Variants in IQCH observed in about 807,000 individuals in gnomAD.
IQCH encodes the protein IQ motif containing H, also known as IQ domain-containing protein H.
IQCH carries 98 observed loss-of-function variants against 117.0 expected under a neutral mutation model. That is an observed-to-expected ratio of 0.84 (90% CI 0.71 to 0.99). The LOEUF (loss-of-function observed/expected upper bound fraction) is 0.99, where lower values mean the gene tolerates loss of function less well. Among genes scored for constraint, IQCH ranks in the 50% least tolerant of loss-of-function variants. The pLI is 0.00. For missense variants in IQCH, 1,102 were observed against 1,243.8 expected, an observed-to-expected ratio of 0.89 and a Z score of 1.72; for synonymous variants, 412 against 448.2, an observed-to-expected ratio of 0.92 and a Z score of 1.02.
intron 14 of IQCH, among the ~76,000 whole-genome samples, chr15:67,412,215 G>T (rs1200263323): frequency 6.6e-6 from 1 of 152,122 alleles, no homozygotes; most frequent in East Asian, 1.9e-4. Context: ...TCTAGCACTT[G>T]TTTATTATCA....
intron 5 of IQCH, among the ~76,000 whole-genome samples, chr15:67,343,768 A>C (rs1460047003): frequency 6.6e-6 from 1 of 152,226 alleles, no homozygotes; most frequent in East Asian, 1.9e-4. Flanking sequence ...TATCATAAGT[A>C]TAAAGAAGTT....
chr15:67,261,464 T>G, intron 2 of IQCH, 70 bp downstream of exon 2: 10 of 1,320,258 alleles, frequency 7.6e-6, no homozygotes, highest in Non-Finnish European at 1.0e-5. Flanking sequence ...GGAATTGCAG[T>G]TCTCATAGAG....
chr15:67,459,966 GA>G lies in IQCH; in HGVS notation c.2506-5160del, dbSNP rs1162544390. On this transcript the variant is annotated intron_variant, in intron 16 of 20. Transcript: ENST00000335894. The surrounding 1 kb of genome is among the most constrained non-coding windows in gnomAD (Gnocchi z 4.2). ...AGTTTGAGACCAGCCTGGGCAACAA[GA>G]TCTTGTCTCTACAAAAAAGGAAAGA... 1.3e-5 allele frequency: 2 copies of G among 151,558 alleles called. No individual in the cohort carries two copies. The highest frequency in any genetic ancestry group is 2.9e-5 in the Non-Finnish European group (2 of 67,982). The allele number at this position is 151,558 out of a possible 1,614,324, so 9.4% of individuals were successfully genotyped here.
intron 6 of IQCH, among the ~76,000 whole-genome samples, chr15:67,354,602 A>G (rs1211014341): frequency 8.7e-6 from 1 of 115,078 alleles, no homozygotes; most frequent in Non-Finnish European, 2.1e-5. Context: ...GTCCTAGCAC[A>G]TGCAATAAGA....
rs575767940 is a variant in IQCH at position 67,431,327 on chromosome 15, A to G, written c.2505+9750A>G. 2.0e-5 allele frequency among the ~76,000 whole-genome samples: 3 copies of G among 152,208 alleles called. No homozygotes were observed. Among genetic ancestry groups the G allele is most frequent in the Non-Finnish European group, 4.4e-5 (3 of 68,038 alleles). Reference sequence around the variant, plus strand: ...CTTTCAGAACAAGATCATGTCCTGCATTTGCAGGGACATGGATGTAGCTGG... The same window carrying G: ...CTTTCAGAACAAGATCATGTCCTGCGTTTGCAGGGACATGGATGTAGCTGG... On this transcript the variant is annotated intron_variant, in intron 16 of 20. Transcript: ENST00000335894. This position sits in a 1 kb window ranked among gnomAD's most constrained non-coding sequence, Gnocchi z 4.8.
chr15:67,348,396 A>G (rs549223320), intron 6 of IQCH, among the ~76,000 whole-genome samples: 65 of 151,822 alleles, frequency 4.3e-4, no homozygotes, highest in Non-Finnish European at 8.2e-4. Context: ...CACAAAAGCT[A>G]CTAGAACTAA....
In IQCH at chr15:67,413,581, T is replaced by C. The variant is rs1456284158; in HGVS notation, c.2098-3350T>C. On this transcript the variant is annotated intron_variant, in intron 14 of 20. Transcript: ENST00000335894. The surrounding 1 kb of genome is among the most constrained non-coding windows in gnomAD (Gnocchi z 5.0). ...ATAGGAAGACAATTTTCATTGGTGC[T>C]GAGGCCATTCTTAGTATAATCCTTG... 2 of 152,240 alleles carry C rather than the reference T, an allele frequency of 1.3e-5. No homozygotes were observed. The highest frequency in any genetic ancestry group is 2.4e-5 in the African/African-American group (1 of 41,456). The allele number at this position is 152,240 out of a possible 1,614,324, so 9.4% of individuals were successfully genotyped here. A position where few individuals can be genotyped will look rare whatever the true frequency, so the allele number is the denominator to read the frequency against.
chr15:67,385,113 T>A lies in IQCH; in HGVS notation c.1456+94T>A. ...GTTTTGTTTGTTTGTTTTTTGCTTA[T>A]TTTTTTCCTCTACAAGGAAAAAGCT... On this transcript the variant is annotated intron_variant, in intron 11 of 20. Coordinates refer to ENST00000335894, the MANE Select transcript of IQCH (RefSeq NM_001031715.3). This position sits in a 1 kb window ranked among gnomAD's most constrained non-coding sequence, Gnocchi z 4.6. The A allele has an allele frequency of 1.3e-6, 1 of 767,430 alleles. No individual in the cohort carries two copies. The highest frequency in any genetic ancestry group is 2.2e-6 in the Non-Finnish European group (1 of 463,790). 47.5% of individuals were successfully genotyped at this position (767,430 alleles called of 1,614,324 possible).
At chr15:67,350,651 C>T (rs1969617566) in intron 6 of IQCH, among the ~76,000 whole-genome samples, 1 of 152,160 alleles carries the variant, frequency 6.6e-6, no homozygotes, top group African/African-American at 2.4e-5. Flanking sequence ...TGGTCTCAAT[C>T]TCCTGACCTC....
intron 18 of IQCH, among the ~76,000 whole-genome samples, chr15:67,478,176 G>C (rs910440993): frequency 2.0e-5 from 3 of 151,990 alleles, no homozygotes; most frequent in Non-Finnish European, 4.4e-5. Flanking sequence ...CCTGAGGTCA[G>C]GAGTTCGAGT....
At chr15:67,339,878 A>G (rs772296656) in intron 5 of IQCH, among the ~76,000 whole-genome samples, 3 of 152,098 alleles carry the variant, frequency 2.0e-5, no homozygotes, top group African/African-American at 4.8e-5. Flanking sequence ...AAAATCCCCT[A>G]TTATTTGCTA....
In IQCH at chr15:67,395,689, T is replaced by TCCCTCAAATCAAC; in HGVS notation, c.1905+126_1905+127insCCCTCAAATCAAC. The TCCCTCAAATCAAC allele has an allele frequency of 1.9e-6, 1 of 521,320 alleles. No individual in the cohort carries two copies. Among genetic ancestry groups the TCCCTCAAATCAAC allele is most frequent in the Non-Finnish European group, 3.2e-6 (1 of 309,616 alleles). The allele number at this position is 521,320 out of a possible 1,614,324, so 32.3% of individuals were successfully genotyped here. ...GAATAGGTGGAATATTTGAGTTGAT[T>TCCCTCAAATCAAC]TGAGGGAATCTACTTTATTTATTTA... is the stretch of plus-strand genomic sequence containing the variant. On this transcript the variant is annotated intron_variant, in intron 13 of 20. Transcript: ENST00000335894. This position sits in a 1 kb window ranked among gnomAD's most constrained non-coding sequence, Gnocchi z 4.0.
In IQCH at chr15:67,406,047, G is replaced by A. The variant is rs1433421339; in HGVS notation, c.2097+5742G>A. 6.6e-6 allele frequency: 1 copy of A among 152,202 alleles called. No individual in the cohort carries two copies. Among genetic ancestry groups the A allele is most frequent in the Non-Finnish European group, 1.5e-5 (1 of 68,046 alleles). The allele number at this position is 152,202 out of a possible 1,614,324, so 9.4% of individuals were successfully genotyped here. Reference sequence around the variant, plus strand: ...GCCTCATATACCTGGTTATGTGCATGGGTGATGAGAGAGAATTTTAGACAT... The same window carrying A: ...GCCTCATATACCTGGTTATGTGCATAGGTGATGAGAGAGAATTTTAGACAT... On this transcript the variant is annotated intron_variant, in intron 14 of 20. Transcript: ENST00000335894. The surrounding 1 kb of genome is among the most constrained non-coding windows in gnomAD (Gnocchi z 4.5).
chr15:67,290,019 T>G (rs1966698976), intron 4 of IQCH, among the ~76,000 whole-genome samples: 1 of 152,122 alleles, frequency 6.6e-6, no homozygotes, highest in African/African-American at 2.4e-5. Context: ...TTAACAACTC[T>G]GACTTGTGAA....
In IQCH at chr15:67,326,920, A is replaced by G. The variant is rs918546828; in HGVS notation, c.388-10055A>G. On this transcript the variant is annotated intron_variant, in intron 4 of 20. Coordinates refer to ENST00000335894, the MANE Select transcript of IQCH (RefSeq NM_001031715.3). ...TACCTTGCAAGCATTGTTTTTGAACATCGTTGTCAAAATGTGAAGATTTAC... is the reference window on the plus strand; with the variant it reads ...TACCTTGCAAGCATTGTTTTTGAACGTCGTTGTCAAAATGTGAAGATTTAC... 5.3e-5 allele frequency among the ~76,000 whole-genome samples: 8 copies of G among 152,316 alleles called. No homozygotes were observed. The South Asian group carries it at 1.2e-3, about 24-fold the overall frequency.
In IQCH at chr15:67,384,974, AAC is replaced by A; in HGVS notation, c.1417_1418del (p.Gln473AlafsTer10). The A allele has an allele frequency of 1.2e-6, 2 of 1,612,600 alleles. No homozygotes were observed. Among genetic ancestry groups the A allele is most frequent in the South Asian group, 1.1e-5 (1 of 91,026 alleles). ...TGTGAGAGAACATATTGCCGATTTC[AAC>A]ACACAGCAGAACATGCAGCTGGGGA... ...QPVREHIADFNTQQNMQLGRL... is the reference protein window; with the variant it reads ...QPVREHIADFXTQQNMQLGRL... On this transcript the variant is annotated frameshift_variant, in exon 11 of 21. Transcript: ENST00000335894. LOFTEE classifies it high-confidence loss of function. This position sits in a 1 kb window ranked among gnomAD's most constrained non-coding sequence, Gnocchi z 4.3.
chr15:67,310,184 A>G (rs1271834127), intron 4 of IQCH, among the ~76,000 whole-genome samples: 1 of 152,026 alleles, frequency 6.6e-6, no homozygotes, highest in African/African-American at 2.4e-5. Flanking sequence ...TTGATTTTTA[A>G]TGATAAATAT....
At chr15:67,315,636 A>C (rs1247549921) in intron 4 of IQCH, among the ~76,000 whole-genome samples, 1 of 152,184 alleles carries the variant, frequency 6.6e-6, no homozygotes, top group Non-Finnish European at 1.5e-5. Flanking sequence ...TCTATCTGAT[A>C]TTAGAGCCTG....
rs2081913908 is a variant in IQCH at position 67,427,254 on chromosome 15, A to G, written c.2505+5677A>G. ...ACCACTCCTGCCATCTTCTTTGCCT[A>G]CTCTATCTGTGCCCTACCCCTCCAT... On this transcript the variant is annotated intron_variant, in intron 16 of 20. Coordinates refer to ENST00000335894, the MANE Select transcript of IQCH (RefSeq NM_001031715.3). This position sits in a 1 kb window ranked among gnomAD's most constrained non-coding sequence, Gnocchi z 4.7. Among the ~76,000 whole-genome samples, 1 of 151,956 alleles carries G rather than the reference A, an allele frequency of 6.6e-6. No homozygotes were observed. The highest frequency in any genetic ancestry group is 1.5e-5 in the Non-Finnish European group (1 of 67,996).
Sources: gnomAD v4.1 joint callset for allele counts (sites outside exome capture counted in the v4.1 genomes callset) on GRCh38, gnomAD v4.1.1 for gene constraint, Gnocchi (gnomAD v3.1) non-coding constraint, MANE v1.5 for transcripts, NCBI Gene and HGNC (gene_info 2026-07-23, HGNC 2026-07-21) for gene names.